Variants in BTBD16 observed in about 807,000 individuals in gnomAD.
BTBD16 encodes the protein BTB domain containing 16, also known as BTB/POZ domain-containing protein 16.
A neutral mutation model predicts 67.4 loss-of-function variants in BTBD16; 66 were observed. The observed-to-expected ratio is 0.98, with a 90% CI of 0.80 to 1.20. BTBD16 has a LOEUF of 1.20. Ranked by LOEUF, BTBD16 falls within the 50% of genes most tolerant of loss-of-function variation. BTBD16 has a pLI of 0.00. For synonymous variants in BTBD16, 242 were observed against 236.4 expected (o/e 1.02, Z -0.22); for missense variants, 634 against 616.0 (o/e 1.03, Z -0.31).
intron 5 of BTBD16, among the ~76,000 whole-genome samples, chr10:122,288,692 G>A (rs902088836): frequency 6.6e-6 from 1 of 152,142 alleles, no homozygotes; most frequent in African/African-American, 2.4e-5. Flanking sequence ...GGTCAAATTA[G>A]TCTCTGAAGA....
chr10:122,317,370 G>A (rs944212529), intron 10 of BTBD16, among the ~76,000 whole-genome samples: 8 of 151,964 alleles, frequency 5.3e-5, no homozygotes, highest in South Asian at 4.2e-4. Context: ...GCCACAGGCC[G>A]GGTGTGGTGG....
At chr10:122,317,385 T>A (rs924136152) in intron 10 of BTBD16, among the ~76,000 whole-genome samples, 1 of 151,720 alleles carries the variant, frequency 6.6e-6, no homozygotes, top group Non-Finnish European at 1.5e-5. Context: ...TGGTGGCTCA[T>A]GCCTGTAATC....
intron 3 of BTBD16, among the ~76,000 whole-genome samples, chr10:122,281,661 C>A (rs542015376): frequency 3.9e-5 from 6 of 152,182 alleles, no homozygotes; most frequent in Non-Finnish European, 7.3e-5. Flanking sequence ...CATGTCCTTG[C>A]AAGTTATTCC....
intron 3 of BTBD16, among the ~76,000 whole-genome samples, chr10:122,280,181 A>G (rs1247810304): frequency 6.6e-6 from 1 of 152,188 alleles, no homozygotes; most frequent in Non-Finnish European, 1.5e-5. Context: ...CAAATCACGG[A>G]TACTGTCTTA....
rs561289927 is a variant in BTBD16 at position 122,307,316 on chromosome 10, A to G, written c.911+8A>G. On this transcript the variant is annotated splice_region_variant and intron_variant, in intron 10 of 15. Transcript: ENST00000260723. ...GATGACATTTTTTAAGAGGTAATAT[A>G]ACTTAGTGTTGATTGATGAAATACA... The G allele has an allele frequency of 8.8e-6, 14 of 1,595,660 alleles. No homozygotes were observed. The East Asian group carries it at 2.9e-4, about 33-fold the overall frequency.
At chr10:122,302,160 C>T (rs565364896) in intron 9 of BTBD16, among the ~76,000 whole-genome samples, 111 of 152,294 alleles carry the variant, frequency 7.3e-4, no homozygotes, top group African/African-American at 2.4e-3. Flanking sequence ...GCCATTCAGC[C>T]GTCTCCATCT....
In BTBD16 at chr10:122,280,061, C is replaced by A. The variant is rs551952022; in HGVS notation, c.167+3122C>A. Among the ~76,000 whole-genome samples, 5 of 152,286 alleles carry A rather than the reference C, an allele frequency of 3.3e-5. No homozygotes were observed. The East Asian group carries it at 9.7e-4, about 29-fold the overall frequency. ...ATCTTCAGGCTGCTGATCGTCTTAC[C>A]TTGGTCCTTTTGCAGGCTCTGGGGC... On this transcript the variant is annotated intron_variant, in intron 3 of 15. Transcript: ENST00000260723.
chr10:122,283,944 G>A lies in BTBD16; in HGVS notation c.241+20G>A. On this transcript the variant is annotated intron_variant, in intron 4 of 15. Transcript: ENST00000260723. Reference sequence around the variant, plus strand: ...AAGCAGGTGAGTTTGTGTTATCCATGGATTAAGCCAGAATGTTGCTGATTT... The same window carrying A: ...AAGCAGGTGAGTTTGTGTTATCCATAGATTAAGCCAGAATGTTGCTGATTT... 1 of 1,577,178 alleles carries A rather than the reference G, an allele frequency of 6.3e-7. No individual in the cohort carries two copies. Among genetic ancestry groups the A allele is most frequent in the Non-Finnish European group, 8.7e-7 (1 of 1,146,474 alleles).
rs142520058 is a variant in BTBD16, at chr10:122,308,384, C to T, written c.911+1076C>T. ...CACCACAGCTTTTCCATTTTCTTTT[C>T]GAATCTACGTTGATTTGTCCCAGAC... On this transcript the variant is annotated intron_variant, in intron 10 of 15. Transcript: ENST00000260723. Among the ~76,000 whole-genome samples, 360 of 152,276 alleles carry T rather than the reference C, an allele frequency of 2.4e-3. 1 individual carries two copies. Among genetic ancestry groups the T allele is most frequent in the African/African-American group, 8.3e-3 (346 of 41,550 alleles).
intron 10 of BTBD16, among the ~76,000 whole-genome samples, chr10:122,316,769 G>A (rs1347409353): frequency 6.6e-6 from 1 of 151,648 alleles, no homozygotes; most frequent in Non-Finnish European, 1.5e-5. Flanking sequence ...GGCCTAGGAC[G>A]TTACTGGGCA....
intron 11 of BTBD16, among the ~76,000 whole-genome samples, chr10:122,330,181 C>T (rs960246802): frequency 5.9e-5 from 9 of 152,138 alleles, no homozygotes; most frequent in African/African-American, 1.9e-4. Flanking sequence ...CTTCTAAACA[C>T]TCCAGAAACA....
rs917003309 is a variant in BTBD16 at position 122,309,594 on chromosome 10, C to T, written c.911+2286C>T. 1.2e-4 allele frequency among the ~76,000 whole-genome samples: 19 copies of T among 152,006 alleles called. 1 individual carries two copies. The highest frequency in any genetic ancestry group is 2.0e-4 in the Admixed American group (3 of 15,260). On this transcript the variant is annotated intron_variant, in intron 10 of 15. Coordinates refer to ENST00000260723, the MANE Select transcript of BTBD16 (RefSeq NM_144587.5). The stretch of plus-strand genomic sequence containing the variant: ...TCTTGACCTCGCGATCCACCCGCCT[C>T]GGCCTCCCAAAGTGCTGGCATTACA...
At chr10:122,327,628 C>A in intron 10 of BTBD16, 2 of 985,412 alleles carry the variant, frequency 2.0e-6, no homozygotes, top group Non-Finnish European at 2.4e-6. Context: ...ATGTCATCCA[C>A]AAAAGTGGGC....
chr10:122,281,671 C>T (rs1326676432), intron 3 of BTBD16, among the ~76,000 whole-genome samples: 1 of 152,146 alleles, frequency 6.6e-6, no homozygotes, highest in Non-Finnish European at 1.5e-5. Flanking sequence ...CAAGTTATTC[C>T]AAACATTCAC....
At chr10:122,334,413 T>C (rs1390165983) in intron 13 of BTBD16, among the ~76,000 whole-genome samples, 2 of 150,102 alleles carry the variant, frequency 1.3e-5, no homozygotes, top group East Asian at 3.9e-4. Flanking sequence ...GCCAGGATGG[T>C]CTTGATCTTC....
chr10:122,286,889 G>T (rs1030923662), intron 5 of BTBD16, among the ~76,000 whole-genome samples: 1 of 152,102 alleles, frequency 6.6e-6, no homozygotes, highest in Non-Finnish European at 1.5e-5. Flanking sequence ...GCTGCTTTGG[G>T]CTACAGGTTG....
intron 9 of BTBD16, among the ~76,000 whole-genome samples, chr10:122,301,032 C>T (rs2096392811): frequency 1.3e-5 from 2 of 152,166 alleles, no homozygotes; most frequent in Admixed American, 6.5e-5. Context: ...CTCTAGGAAG[C>T]CTCCAGGAGT....
At chr10:122,334,165 C>T (rs2133326723) in intron 13 of BTBD16, among the ~76,000 whole-genome samples, 1 of 149,080 alleles carries the variant, frequency 6.7e-6, no homozygotes, top group East Asian at 2.0e-4. Context: ...GTTATTGTTG[C>T]TATACTTTGT....
At chr10:122,292,391 G>A (rs1353745669) in intron 7 of BTBD16, among the ~76,000 whole-genome samples, 1 of 152,216 alleles carries the variant, frequency 6.6e-6, no homozygotes, top group Admixed American at 6.5e-5. Context: ...TCATTTTACA[G>A]ATGAGAAGAC....
Sources: gnomAD v4.1 joint callset for allele counts (sites outside exome capture counted in the v4.1 genomes callset) on GRCh38, gnomAD v4.1.1 for gene constraint, MANE v1.5 for transcripts, NCBI Gene and HGNC (gene_info 2026-07-23, HGNC 2026-07-21) for gene names.